MTUS2: variants seen among roughly 807,000 people sequenced by gnomAD.
MTUS2 encodes the protein microtubule-associated tumor suppressor candidate 2.
A neutral mutation model predicts 114.1 loss-of-function variants in MTUS2; 40 were observed. That is an observed-to-expected ratio of 0.35 (90% CI 0.27 to 0.46). The LOEUF (loss-of-function observed/expected upper bound fraction) is 0.46. Among genes scored for constraint, MTUS2 ranks in the 20% least tolerant of loss-of-function variants. The probability of loss-of-function intolerance (pLI) is 1.00; values close to 1 mark genes in which losing one functional copy is unlikely to be tolerated. For synonymous variants in MTUS2, 688 were observed against 672.0 expected (o/e 1.02, Z -0.37); for missense variants, 1,679 against 1,705.4 (o/e 0.98, Z 0.27).
intron 9 of MTUS2, among the ~76,000 whole-genome samples, chr13:29,475,820 G>C: frequency 6.6e-6 from 1 of 152,242 alleles, no homozygotes; most frequent in East Asian, 1.9e-4. Context: ...CAAGTAAAAC[G>C]GTTATGGTAA....
chr13:29,357,179 A>ATGT (rs1256079792), intron 7 of MTUS2, among the ~76,000 whole-genome samples: 1 of 151,872 alleles, frequency 6.6e-6, no homozygotes, highest in East Asian at 1.9e-4. Context: ...TAACATGATG[A>ATGT]TGATGATGAT....
At chr13:29,053,665 A>C (rs1888002061) in intron 4 of MTUS2, among the ~76,000 whole-genome samples, 1 of 152,224 alleles carries the variant, frequency 6.6e-6, no homozygotes, top group African/African-American at 2.4e-5. Flanking sequence ...GGGATCATAC[A>C]GTATGTACTG....
chr13:28,966,205 C>T (rs1395118048), intron 2 of MTUS2, among the ~76,000 whole-genome samples: 1 of 152,116 alleles, frequency 6.6e-6, no homozygotes, highest in Non-Finnish European at 1.5e-5. Context: ...AAGATATGAC[C>T]TCCCCCTCTT....
At position 29,491,725 on chromosome 13, in the gene MTUS2, G is replaced by T. The variant is rs547741455; in HGVS notation, c.3506-921G>T. On this transcript the variant is annotated intron_variant, in intron 11 of 15. Transcript: ENST00000612955. ...TATTCGTGTGATGTGTGTGGTAGGT[G>T]TGTGTGGGGCGTGTGGGGTGTGTGT... 4.1e-4 allele frequency among the ~76,000 whole-genome samples: 27 copies of T among 66,486 alleles called. 1 individual carries two copies. The highest frequency in any genetic ancestry group is 7.7e-3 in the Middle Eastern group (1 of 130). 43.6% of individuals were successfully genotyped at this position (66,486 alleles called of 152,430 possible).
intron 5 of MTUS2, among the ~76,000 whole-genome samples, chr13:29,140,619 A>T (rs1892178281): frequency 6.6e-6 from 1 of 152,154 alleles, no homozygotes; most frequent in Non-Finnish European, 1.5e-5. Flanking sequence ...CTGGAAGATG[A>T]TCACCCAAAG....
chr13:29,205,641 T>C (rs1339793005), intron 5 of MTUS2, among the ~76,000 whole-genome samples: 2 of 152,244 alleles, frequency 1.3e-5, no homozygotes, highest in African/African-American at 4.8e-5. Context: ...CTCCCACTTA[T>C]GAGTGAGAAC....
In MTUS2 at chr13:29,496,910, C is replaced by T. The variant is rs971823215; in HGVS notation, c.3580-328C>T. On this transcript the variant is annotated intron_variant, in intron 12 of 15. Coordinates refer to ENST00000612955, the MANE Select transcript of MTUS2 (RefSeq NM_001033602.4). This position sits in a 1 kb window ranked among gnomAD's most constrained non-coding sequence, Gnocchi z 4.3. ...CCCAAAGCCAGGGGCTAGGTGCCTCCTGGACAAGAGGCACCTCTGAGGATT... is the reference window on the plus strand; with the variant it reads ...CCCAAAGCCAGGGGCTAGGTGCCTCTTGGACAAGAGGCACCTCTGAGGATT... Among the ~76,000 whole-genome samples the T allele has an allele frequency of 1.3e-5, 2 of 152,172 alleles. No homozygotes were observed. The highest frequency in any genetic ancestry group is 4.8e-5 in the African/African-American group (2 of 41,438).
chr13:29,283,599 G>A (rs1417448728), intron 6 of MTUS2, among the ~76,000 whole-genome samples: 1 of 152,056 alleles, frequency 6.6e-6, no homozygotes, highest in African/African-American at 2.4e-5. Flanking sequence ...TCACCTACAG[G>A]GCTTGTAAAA....
Position 28,840,949 on chromosome 13 carries a change from C to T in MTUS2, c.-243+1099C>T, listed in dbSNP as rs573512250. Reference sequence around the variant, plus strand: ...ACTGTGCTTTAAACTAAATTTATGACTGAGTTTCTGCCATGTGGTGATTTA... The same window carrying T: ...ACTGTGCTTTAAACTAAATTTATGATTGAGTTTCTGCCATGTGGTGATTTA... On this transcript the variant is annotated intron_variant, in intron 2 of 15. Coordinates refer to ENST00000612955, the MANE Select transcript of MTUS2 (RefSeq NM_001033602.4). Among the ~76,000 whole-genome samples, 3 of 152,316 alleles carry T rather than the reference C, an allele frequency of 2.0e-5. No individual in the cohort carries two copies. In the East Asian group the frequency reaches 5.8e-4, roughly 29 times the overall value.
At chr13:29,013,975 C>T (rs1885960844) in intron 2 of MTUS2, among the ~76,000 whole-genome samples, 1 of 152,214 alleles carries the variant, frequency 6.6e-6, no homozygotes, top group Admixed American at 6.5e-5. Flanking sequence ...ATATCATTTT[C>T]CCTCAGGAGA....
chr13:29,400,821 G>A (rs1874274639), intron 8 of MTUS2, among the ~76,000 whole-genome samples: 1 of 152,180 alleles, frequency 6.6e-6, no homozygotes, highest in Non-Finnish European at 1.5e-5. Flanking sequence ...TACTTGTTAA[G>A]AATGTCAAAT....
At chr13:29,336,782 G>A (rs1427580930) in intron 7 of MTUS2, among the ~76,000 whole-genome samples, 2 of 152,194 alleles carry the variant, frequency 1.3e-5, no homozygotes, top group African/African-American at 4.8e-5. Context: ...CAAGGAGATG[G>A]GAATTCTATC....
intron 1 of MTUS2, among the ~76,000 whole-genome samples, chr13:28,826,472 TC>T (rs1874277064): frequency 6.6e-6 from 1 of 152,232 alleles, no homozygotes; most frequent in Admixed American, 6.5e-5. Flanking sequence ...TCCTTATTAG[TC>T]TTTTTACTCT....
At chr13:28,964,351 G>A (rs943837690) in intron 2 of MTUS2, among the ~76,000 whole-genome samples, 12 of 152,142 alleles carry the variant, frequency 7.9e-5, no homozygotes, top group Admixed American at 1.3e-4. Context: ...CCTTCTACCT[G>A]TTCCTCTCAT....
chr13:29,365,956 C>A (rs548707583), intron 8 of MTUS2, among the ~76,000 whole-genome samples: 1 of 152,314 alleles, frequency 6.6e-6, no homozygotes, highest in South Asian at 2.1e-4. Context: ...GCCCCAGAAC[C>A]TCTTCCCTGC....
At position 29,142,201 on chromosome 13, in the gene MTUS2, A is replaced by T. The variant is rs1408538906; in HGVS notation, c.2644+41231A>T. Among the ~76,000 whole-genome samples, 4 of 152,138 alleles carry T rather than the reference A, an allele frequency of 2.6e-5. 1 individual carries two copies. The East Asian group carries it at 7.7e-4, about 29-fold the overall frequency. On this transcript the variant is annotated intron_variant, in intron 5 of 15. Transcript: ENST00000612955. ...TATATATATTTTAACTTATATATTT[A>T]CATACACCGATAAATTGGGGGTTGT... is the stretch of plus-strand genomic sequence containing the variant.
chr13:29,163,975 G>A (rs1283715398), intron 5 of MTUS2, among the ~76,000 whole-genome samples: 4 of 152,126 alleles, frequency 2.6e-5, no homozygotes, highest in South Asian at 2.1e-4. Flanking sequence ...TTTGCTAAAC[G>A]TCGCTGAAAA....
At chr13:29,488,189 G>C (rs558504066) in intron 11 of MTUS2, 184 bp downstream of exon 11, 19 of 592,288 alleles carry the variant, frequency 3.2e-5, no homozygotes, top group Non-Finnish European at 5.4e-5. Context: ...CAGGTAGTTA[G>C]CTGCTTCTTT....
chr13:29,215,838 T>A (rs1042534920), intron 5 of MTUS2, among the ~76,000 whole-genome samples: 1 of 152,120 alleles, frequency 6.6e-6, no homozygotes, highest in Non-Finnish European at 1.5e-5. Context: ...TGTCTCCCAG[T>A]CAGGAGGCAC....
Sources: allele counts gnomAD v4.1 joint callset (sites outside exome capture counted in the v4.1 genomes callset), GRCh38; gene constraint gnomAD v4.1.1; non-coding constraint Gnocchi (gnomAD v3.1); transcripts MANE v1.5; gene names NCBI Gene and HGNC (gene_info 2026-07-23, HGNC 2026-07-21).